Variants in ABCB11 observed in about 807,000 individuals in gnomAD.
ABCB11 encodes the protein ATP binding cassette subfamily B member 11, also known as bile salt export pump.
ABCB11 carries 95 observed loss-of-function variants against 148.0 expected under a neutral mutation model. That is an observed-to-expected ratio of 0.64 (90% CI 0.54 to 0.76). The LOEUF is 0.76. Ranked by LOEUF, ABCB11 falls within the 30% of genes least tolerant of loss-of-function variation. ABCB11 has a pLI of 0.00. For synonymous variants in ABCB11, 591 were observed against 555.4 expected (o/e 1.06, Z -0.90); for missense variants, 1,523 against 1,617.8 (o/e 0.94, Z 1.01).
intron 10 of ABCB11, among the ~76,000 whole-genome samples, chr2:168,985,089 A>G (rs1198149986): frequency 2.0e-5 from 3 of 152,192 alleles, no homozygotes; most frequent in Non-Finnish European, 4.4e-5. Flanking sequence ...AGCTAAGGAC[A>G]TGAATAGACA....
At chr2:169,018,016 G>A (rs1573984892) in intron 2 of ABCB11, 34 bp downstream of exon 2, 1 of 1,567,904 alleles carries the variant, frequency 6.4e-7, no homozygotes, top group South Asian at 1.1e-5. Flanking sequence ...ACCTCTCCTT[G>A]TACAAGATGC....
intron 12 of ABCB11, among the ~76,000 whole-genome samples, chr2:168,975,841 G>A (rs1423011922): frequency 6.7e-6 from 1 of 149,090 alleles, no homozygotes; most frequent in Non-Finnish European, 1.5e-5. Flanking sequence ...TGTGGTGTCA[G>A]AATTAAGTTA....
At chr2:169,014,070 T>C (rs559144753) in intron 4 of ABCB11, among the ~76,000 whole-genome samples, 8 of 152,310 alleles carry the variant, frequency 5.3e-5, no homozygotes, top group African/African-American at 1.9e-4. Flanking sequence ...ATGGGCTTAG[T>C]GATAATTTTC....
At chr2:168,941,643 A>T (rs1423042889) in intron 21 of ABCB11, among the ~76,000 whole-genome samples, 1 of 152,080 alleles carries the variant, frequency 6.6e-6, no homozygotes, top group Non-Finnish European at 1.5e-5. Context: ...GGTTTAAGAG[A>T]ACTCAATCCA....
chr2:168,923,418 C>T lies in ABCB11; in HGVS notation c.*204G>A. On this transcript the variant is annotated 3_prime_UTR_variant, in exon 28 of 28. Coordinates refer to ENST00000650372, the MANE Select transcript of ABCB11 (RefSeq NM_003742.4). The stretch of plus-strand genomic sequence containing the variant: ...CCTAGTTTCTTTCATTTTCTGTATA[C>T]ACATCTAAAGCAGAATTATTATGGA... 1 of 614,488 alleles carries T rather than the reference C, an allele frequency of 1.6e-6. No individual in the cohort carries two copies. Among genetic ancestry groups the T allele is most frequent in the East Asian group, 2.8e-5 (1 of 36,360 alleles). The allele number at this position is 614,488 out of a possible 1,614,324, so 38.1% of individuals were successfully genotyped here.
At chr2:169,009,051 T>C (rs1304129039) in intron 5 of ABCB11, among the ~76,000 whole-genome samples, 1 of 152,232 alleles carries the variant, frequency 6.6e-6, no homozygotes, top group Non-Finnish European at 1.5e-5. Context: ...ATTATTAATA[T>C]GACATGTTCA....
intron 11 of ABCB11, among the ~76,000 whole-genome samples, chr2:168,978,679 A>G (rs1410744135): frequency 6.6e-6 from 1 of 151,490 alleles, no homozygotes; most frequent in African/African-American, 2.4e-5. Flanking sequence ...TTAAAGAGAA[A>G]GAACAACAGA....
rs975968507 is a variant in ABCB11 at position 169,013,566 on chromosome 2, A to G, written c.151-56T>C. The G allele has an allele frequency of 1.3e-5, 19 of 1,410,500 alleles. No homozygotes were observed. In the African/African-American group the frequency reaches 2.6e-4, roughly 19 times the overall value. The allele number at this position is 1,410,500 out of a possible 1,614,324, so 87.4% of individuals were successfully genotyped here. On this transcript the variant is annotated intron_variant, in intron 4 of 27. Coordinates refer to ENST00000650372, the MANE Select transcript of ABCB11 (RefSeq NM_003742.4). ...ATGGGTGAAGAGCAGGAGAGGTAGG[A>G]GGACTACTTAATTTAGTTACTAGAT...
At chr2:168,953,449 TGTC>T (rs1271137027) in intron 19 of ABCB11, among the ~76,000 whole-genome samples, 1 of 105,348 alleles carries the variant, frequency 9.5e-6, no homozygotes, top group Non-Finnish European at 2.0e-5. Context: ...ATAATTATCT[TGTC>T]TTTTTTTTTT....
chr2:169,029,722 C>CTTT (rs1558936844), intron 1 of ABCB11, among the ~76,000 whole-genome samples: 2 of 114,124 alleles, frequency 1.8e-5, no homozygotes, highest in Non-Finnish European at 3.3e-5. Flanking sequence ...CAGTTCTTTC[C>CTTT]TCTTTTTTTT....
At chr2:168,957,742 G>A (rs76769758) in intron 19 of ABCB11, among the ~76,000 whole-genome samples, 1 of 151,376 alleles carries the variant, frequency 6.6e-6, no homozygotes, top group Admixed American at 6.6e-5. Flanking sequence ...CTTTTTTATA[G>A]GTACAATGAC....
At chr2:168,985,767 T>C (rs1694297195) in intron 10 of ABCB11, among the ~76,000 whole-genome samples, 1 of 151,970 alleles carries the variant, frequency 6.6e-6, no homozygotes, top group Non-Finnish European at 1.5e-5. Context: ...ATAAGAATGA[T>C]ACAATGGACT....
At chr2:168,970,557 T>C in intron 14 of ABCB11, 1 of 390,000 alleles carries the variant, frequency 2.6e-6, no homozygotes, top group South Asian at 2.2e-5. Context: ...CAAATCCGTG[T>C]CTCTTTGCTC....
chr2:168,991,199 G>T (rs940967494), intron 8 of ABCB11, among the ~76,000 whole-genome samples: 1 of 152,084 alleles, frequency 6.6e-6, no homozygotes, highest in Admixed American at 6.6e-5. Context: ...TAAGACTAAA[G>T]TGTTTCAGTC....
At chr2:168,974,747 A>G (rs1415856903) in intron 12 of ABCB11, among the ~76,000 whole-genome samples, 1 of 151,938 alleles carries the variant, frequency 6.6e-6, no homozygotes, top group Non-Finnish European at 1.5e-5. Context: ...AAAAACCTCA[A>G]TTACTCTCCA....
At chr2:169,010,171 A>G (rs1266653461) in intron 5 of ABCB11, among the ~76,000 whole-genome samples, 1 of 152,212 alleles carries the variant, frequency 6.6e-6, no homozygotes, top group African/African-American at 2.4e-5. Flanking sequence ...AAATTACAGT[A>G]TGTCTCTTCT....
At chr2:168,936,805 T>G (rs1691851355) in intron 21 of ABCB11, among the ~76,000 whole-genome samples, 1 of 152,234 alleles carries the variant, frequency 6.6e-6, no homozygotes, top group Admixed American at 6.5e-5. Context: ...GTGTCTGGCT[T>G]ATTTTGCTAA....
chr2:168,993,294 T>C (rs1488127162), intron 8 of ABCB11, among the ~76,000 whole-genome samples: 1 of 152,036 alleles, frequency 6.6e-6, no homozygotes, highest in African/African-American at 2.4e-5. Context: ...GAGTGGGGTT[T>C]GGAGTCAGAG....
At chr2:169,027,984 C>T (rs1695752220) in intron 1 of ABCB11, among the ~76,000 whole-genome samples, 1 of 152,128 alleles carries the variant, frequency 6.6e-6, no homozygotes, top group Non-Finnish European at 1.5e-5. Flanking sequence ...CATTACCATC[C>T]TATTTTATAA....
Sources: gnomAD v4.1 joint callset for allele counts (sites outside exome capture counted in the v4.1 genomes callset) on GRCh38, gnomAD v4.1.1 for gene constraint, MANE v1.5 for transcripts, NCBI Gene and HGNC (gene_info 2026-07-23, HGNC 2026-07-21) for gene names.